The following FILIP1 variants were observed in gnomAD, a reference collection of about 807,000 sequenced individuals.
The protein encoded by FILIP1 is filamin-A-interacting protein 1.
Under a neutral mutation model 102.1 loss-of-function variants are expected in FILIP1, and 61 were observed. The observed-to-expected ratio is 0.60, with a 90% CI of 0.49 to 0.74. The LOEUF (loss-of-function observed/expected upper bound fraction) is 0.74. FILIP1 is among the 30% of genes least tolerant of loss of function. The pLI, the probability that FILIP1 is intolerant of heterozygous loss-of-function variation, is 0.00. For missense variants in FILIP1, 1,314 were observed against 1,441.2 expected (o/e 0.91, Z 1.43); for synonymous variants, 491 against 526.9 (o/e 0.93, Z 0.93).
chr6:75,481,876 G>A (rs1779657985), intron 1 of FILIP1, among the ~76,000 whole-genome samples: 1 of 152,062 alleles, frequency 6.6e-6, no homozygotes, highest in Admixed American at 6.6e-5. Context: ...CAACTCCTAT[G>A]AAAAAGTGTC....
Position 75,314,331 on chromosome 6 carries a change from A to G in FILIP1, c.1501T>C (p.Leu501=), listed in dbSNP as rs1773342975. Residue 501 remains leucine (L), a synonymous_variant, in exon 5 of 6, where the codon TTG becomes CTG. Transcript: ENST00000237172. The part of the protein sequence containing the change: ...ELSLKDDLTK[L]KSFTVMLVDE... ...ACCAGCATCACGGTAAATGACTTCA[A>G]CTTGGTAAGATCATCTTTTAGGCTT... is the stretch of plus-strand genomic sequence containing the variant. The G allele has an allele frequency of 2.6e-6, 4 of 1,520,290 alleles. No homozygotes were observed. Among genetic ancestry groups the G allele is most frequent in the Non-Finnish European group, 3.5e-6 (4 of 1,143,964 alleles). 94.2% of individuals were successfully genotyped at this position (1,520,290 alleles called of 1,614,324 possible).
downstream of FILIP1, among the ~76,000 whole-genome samples, chr6:75,305,864 G>C (rs1772970908): frequency 6.6e-6 from 1 of 151,996 alleles, no homozygotes; most frequent in Non-Finnish European, 1.5e-5. Context: ...TTTCAGGGTG[G>C]GGCCTGAGCA....
At chr6:75,475,909 ACT>A (rs1779461354) in intron 1 of FILIP1, among the ~76,000 whole-genome samples, 1 of 152,228 alleles carries the variant, frequency 6.6e-6, no homozygotes, top group African/African-American at 2.4e-5. Context: ...TCTGTCATTT[ACT>A]TTCTTTCTAG....
At chr6:75,440,822 G>A (rs1054431942) in intron 1 of FILIP1, among the ~76,000 whole-genome samples, 1 of 152,068 alleles carries the variant, frequency 6.6e-6, no homozygotes, top group Non-Finnish European at 1.5e-5. Context: ...GGTGGCACAT[G>A]CCTGTAATCC....
rs185724762 is a variant in FILIP1 at position 75,355,655 on chromosome 6, G to T, written c.451-1938C>A. Among the ~76,000 whole-genome samples the T allele has an allele frequency of 7.6e-3, 1,149 of 152,140 alleles. 9 individuals are homozygous for T. The highest frequency in any genetic ancestry group is 0.02 in the Middle Eastern group (6 of 294). On this transcript the variant is annotated intron_variant, in intron 3 of 5. Transcript: ENST00000237172. ...TGACCTCAGGTGATCCACCCGCCTT[G>T]GCCTCCCAAAGTGCTGGGATTACAG... is the stretch of plus-strand genomic sequence containing the variant.
At chr6:75,490,557 C>A (rs993603774) in intron 1 of FILIP1, among the ~76,000 whole-genome samples, 1 of 151,780 alleles carries the variant, frequency 6.6e-6, no homozygotes, top group African/African-American at 2.4e-5. Context: ...CCAAAAGTAA[C>A]TATAAATAGA....
intron 4 of FILIP1, among the ~76,000 whole-genome samples, chr6:75,344,162 T>C (rs2149591341): frequency 6.6e-6 from 1 of 152,282 alleles, no homozygotes; most frequent in Non-Finnish European, 1.5e-5. Flanking sequence ...GGTTTTTTTG[T>C]TTGTTTGTTG....
At chr6:75,439,268 A>G (rs1013771973) in intron 1 of FILIP1, among the ~76,000 whole-genome samples, 1 of 152,222 alleles carries the variant, frequency 6.6e-6, no homozygotes, top group Non-Finnish European at 1.5e-5. Context: ...CGGGAGGCTG[A>G]GGCAGGAGAA....
chr6:75,344,805 C>G (rs1774522924), intron 4 of FILIP1, among the ~76,000 whole-genome samples: 1 of 152,230 alleles, frequency 6.6e-6, no homozygotes, highest in Non-Finnish European at 1.5e-5. Context: ...GTTTCAGGGA[C>G]TATCTGGTAA....
At chr6:75,382,514 A>G (rs1381590323) in intron 2 of FILIP1, among the ~76,000 whole-genome samples, 1 of 152,158 alleles carries the variant, frequency 6.6e-6, no homozygotes, top group East Asian at 1.9e-4. Context: ...GAAAATTCTC[A>G]AGGCACAGCC....
exon 7 of FILIP1, chr6:75,294,734 C>G (rs1202945426): frequency 1.3e-5 from 2 of 151,946 alleles, no homozygotes; most frequent in Non-Finnish European, 2.9e-5. Flanking sequence ...ACTCTGTCAC[C>G]CAGGCTGGAG....
intron 2 of FILIP1, among the ~76,000 whole-genome samples, chr6:75,395,673 T>C (rs556003399): frequency 6.6e-6 from 1 of 152,312 alleles, no homozygotes; most frequent in East Asian, 1.9e-4. Flanking sequence ...TAGAGCATCG[T>C]CCCATCCATA....
chr6:75,302,962 C>T (rs1306453197), intron 6 of FILIP1, among the ~76,000 whole-genome samples: 2 of 152,042 alleles, frequency 1.3e-5, no homozygotes, highest in Non-Finnish European at 2.9e-5. Context: ...AGGAGGGTAT[C>T]AGAGTAACCC....
intron 1 of FILIP1, among the ~76,000 whole-genome samples, chr6:75,472,109 C>T (rs1413767201): frequency 6.6e-6 from 1 of 152,118 alleles, no homozygotes. Flanking sequence ...AAACAACAGT[C>T]TTTATAAAAT....
chr6:75,493,257 A>C (rs1432052649), intron 1 of FILIP1, among the ~76,000 whole-genome samples, 157 bp downstream of exon 1: 2 of 152,236 alleles, frequency 1.3e-5, no homozygotes, highest in Non-Finnish European at 2.9e-5. Context: ...ACTTTTTAAA[A>C]ATAATTCACA....
chr6:75,387,851 T>C (rs1776150880), intron 2 of FILIP1, among the ~76,000 whole-genome samples: 1 of 152,206 alleles, frequency 6.6e-6, no homozygotes, highest in Non-Finnish European at 1.5e-5. Context: ...ACTCTGAGGA[T>C]AGTTTCTTTT....
rs1416704215 is a variant in FILIP1, at chr6:75,457,076, C to T, written c.-7+36338G>A. Among the ~76,000 whole-genome samples the T allele has an allele frequency of 3.3e-5, 5 of 152,250 alleles. 1 individual carries two copies. In the South Asian group the frequency reaches 1.0e-3, roughly 32 times the overall value. ...TATCCTTTACTATCTATGAGCACTG[C>T]AGGCTTACAGTTATCACTGACATAT... On this transcript the variant is annotated intron_variant, in intron 1 of 5. Transcript: ENST00000237172.
intron 3 of FILIP1, 107 bp from the exon 4 acceptor site, chr6:75,353,824 C>G: frequency 1.8e-6 from 2 of 1,101,678 alleles, no homozygotes; most frequent in South Asian, 3.1e-5. Flanking sequence ...AAAGCGAGAA[C>G]AGTGAGTCTG....
intron 1 of FILIP1, among the ~76,000 whole-genome samples, chr6:75,434,095 TG>T (rs1439141151): frequency 1.2e-4 from 18 of 152,222 alleles, no homozygotes; most frequent in Admixed American, 1.1e-3. Context: ...AATGTAGCCT[TG>T]TAGTATAGTG....
Sources: gnomAD v4.1 joint callset for allele counts (sites outside exome capture counted in the v4.1 genomes callset) on GRCh38, gnomAD v4.1.1 for gene constraint, MANE v1.5 for transcripts, NCBI Gene and HGNC (gene_info 2026-07-23, HGNC 2026-07-21) for gene names.